CUX1: variants seen among roughly 807,000 people sequenced by gnomAD.
CUX1 encodes the protein protein CASP.
A neutral mutation model predicts 158.8 loss-of-function variants in CUX1; 31 were observed. That is an observed-to-expected ratio of 0.20 (90% CI 0.15 to 0.26). CUX1 has a LOEUF of 0.26. Among genes scored for constraint, CUX1 ranks in the 10% least tolerant of loss-of-function variants. The pLI is 1.00. For synonymous variants in CUX1, 879 were observed against 862.1 expected (o/e 1.02, Z -0.34); for missense variants, 1,589 against 2,014.6 (o/e 0.79, Z 4.04).
chr7:102,090,661 A>G (rs562203302), intron 4 of CUX1, among the ~76,000 whole-genome samples: 2 of 149,676 alleles, frequency 1.3e-5, no homozygotes, highest in Non-Finnish European at 3.0e-5. Context: ...TGCTGGGATT[A>G]CAGGCGTGAG....
At chr7:101,935,711 G>A (rs1806843372) in intron 2 of CUX1, among the ~76,000 whole-genome samples, 1 of 152,212 alleles carries the variant, frequency 6.6e-6, no homozygotes, top group Non-Finnish European at 1.5e-5. Context: ...ATGGTGTGGG[G>A]CTGTCACGAG....
chr7:101,886,097 C>T (rs1196348771), intron 1 of CUX1, among the ~76,000 whole-genome samples: 1 of 151,976 alleles, frequency 6.6e-6, no homozygotes, highest in African/African-American at 2.4e-5. Flanking sequence ...CTCTGGATCT[C>T]CTGCTGGCCC....
At chr7:102,186,526 G>A (rs1257826738) in intron 11 of CUX1, among the ~76,000 whole-genome samples, 1 of 151,794 alleles carries the variant, frequency 6.6e-6, no homozygotes, top group African/African-American at 2.4e-5. Flanking sequence ...TGCGTCAATA[G>A]GTGAATGCGT....
At chr7:102,063,421 C>T (rs1825174836) in intron 3 of CUX1, among the ~76,000 whole-genome samples, 1 of 122,052 alleles carries the variant, frequency 8.2e-6, no homozygotes, top group African/African-American at 3.0e-5. Flanking sequence ...CGGAGTCTCA[C>T]TCTGTCGCCC....
intron 1 of CUX1, among the ~76,000 whole-genome samples, chr7:101,884,836 T>C (rs910918322): frequency 5.9e-5 from 9 of 152,188 alleles, no homozygotes; most frequent in African/African-American, 2.2e-4. Flanking sequence ...AATGAGATCT[T>C]CAGTGATTTG....
At chr7:101,863,400 G>A (rs986041192) in intron 1 of CUX1, among the ~76,000 whole-genome samples, 4 of 151,160 alleles carry the variant, frequency 2.6e-5, no homozygotes, top group Admixed American at 6.6e-5. Context: ...GCCCAGGCTG[G>A]AGTGCAGTGG....
intron 2 of CUX1, among the ~76,000 whole-genome samples, chr7:102,025,407 C>T (rs1468005928): frequency 2.6e-5 from 4 of 152,172 alleles, no homozygotes; most frequent in Admixed American, 6.5e-5. Flanking sequence ...GCAGGCATAT[C>T]GCTTGAACCT....
At chr7:101,977,929 G>C (rs1448901633) in intron 2 of CUX1, among the ~76,000 whole-genome samples, 3 of 152,058 alleles carry the variant, frequency 2.0e-5, no homozygotes, top group Non-Finnish European at 2.9e-5. Context: ...ATGTGACTGA[G>C]CTCTTGAGAG....
chr7:102,199,758 A>G (rs955064626), intron 16 of CUX1, among the ~76,000 whole-genome samples: 2 of 152,206 alleles, frequency 1.3e-5, no homozygotes, highest in Non-Finnish European at 2.9e-5. Context: ...CTCATGAGAA[A>G]CATTGCCTTT....
intron 1 of CUX1, among the ~76,000 whole-genome samples, chr7:101,826,512 T>C (rs2970470): frequency 0.15 from 23,371 of 152,178 alleles, 1,943 homozygotes; most frequent in Non-Finnish European, 0.19. Flanking sequence ...TTCAAGCCTA[T>C]TTCATGCATT....
At chr7:101,983,388 G>A (rs964002778) in intron 2 of CUX1, among the ~76,000 whole-genome samples, 8 of 151,982 alleles carry the variant, frequency 5.3e-5, no homozygotes, top group African/African-American at 1.9e-4. Flanking sequence ...CCCACCAGTG[G>A]TTCCTCCCTC....
At chr7:102,274,265 G>A (rs782584087) in exon 16 of CUX1, 2 of 1,613,710 alleles carry the variant, frequency 1.2e-6, no homozygotes, top group East Asian at 4.5e-5. Flanking sequence ...GCACCGCCTG[G>A]AGAAGATCCC....
chr7:102,082,478 C>T (rs1827531655), intron 4 of CUX1, among the ~76,000 whole-genome samples: 1 of 147,250 alleles, frequency 6.8e-6, no homozygotes, highest in African/African-American at 2.4e-5. Context: ...AAGATCGCGC[C>T]ACTGCACTCC....
intron 2 of CUX1, among the ~76,000 whole-genome samples, chr7:101,994,971 C>T (rs1331228985): frequency 6.6e-6 from 1 of 151,518 alleles, no homozygotes; most frequent in Admixed American, 6.6e-5. Context: ...GTGGCACATG[C>T]CATTAGTGTC....
intron 1 of CUX1, among the ~76,000 whole-genome samples, chr7:101,897,450 A>G (rs1459458789): frequency 2.6e-5 from 4 of 151,922 alleles, no homozygotes; most frequent in African/African-American, 9.7e-5. Context: ...GCAGTGAGCT[A>G]TGATCGTGCC....
chr7:101,884,088 T>A (rs935685730), intron 1 of CUX1, among the ~76,000 whole-genome samples: 1 of 151,536 alleles, frequency 6.6e-6, no homozygotes, highest in African/African-American at 2.4e-5. Flanking sequence ...TGCTAGGGGG[T>A]CTCGCTGACT....
intron 4 of CUX1, among the ~76,000 whole-genome samples, chr7:102,081,750 A>G (rs1162298201): frequency 6.8e-6 from 1 of 146,106 alleles, no homozygotes; most frequent in Non-Finnish European, 1.5e-5. Flanking sequence ...CTCCTCCCTC[A>G]GCCTCCCTGG....
In CUX1 at chr7:102,195,723, G is replaced by A. The variant is rs546686863; in HGVS notation, c.1222+120G>A. ...CATGGCCAGAGAAGCGCCGGTTGAC[G>A]AGAACCTTTGACTAACGCGTGTTGG... On this transcript the variant is annotated intron_variant, in intron 14 of 23. Transcript: ENST00000292535. The A allele has an allele frequency of 6.1e-4, 533 of 872,150 alleles. 2 individuals are homozygous for A. The highest frequency in any genetic ancestry group is 8.3e-4 in the Admixed American group (33 of 39,876). The allele number at this position is 872,150 out of a possible 1,614,324, so 54.0% of individuals were successfully genotyped here.
At chr7:102,160,037 CG>C (rs1790259721) in intron 9 of CUX1, among the ~76,000 whole-genome samples, 1 of 151,006 alleles carries the variant, frequency 6.6e-6, no homozygotes, top group African/African-American at 2.4e-5. Flanking sequence ...AAAAATTAGC[CG>C]GGTGCGGTGA....
Sources: allele counts gnomAD v4.1 joint callset (sites outside exome capture counted in the v4.1 genomes callset), GRCh38; gene constraint gnomAD v4.1.1; transcripts MANE v1.5; gene names NCBI Gene and HGNC (gene_info 2026-07-23, HGNC 2026-07-21).